SF3B3: variants seen among roughly 807,000 people sequenced by gnomAD.
SF3B3 encodes the protein splicing factor 3b subunit 3, also known as SAP 130.
SF3B3 carries 33 observed loss-of-function variants against 139.2 expected under a neutral mutation model. That is an observed-to-expected ratio of 0.24 (90% confidence interval 0.18 to 0.32). The LOEUF is 0.32. Among genes scored for constraint, SF3B3 ranks in the 10% least tolerant of loss-of-function variants. The pLI, the probability that SF3B3 is intolerant of heterozygous loss-of-function variation, is 1.00. For synonymous variants in SF3B3, 596 were observed against 563.6 expected (o/e 1.06, Z -0.81); for missense variants, 818 against 1,509.4 (o/e 0.54, Z 7.59).
intron 20 of SF3B3, chr16:70,565,754 C>A: frequency 2.0e-6 from 1 of 494,042 alleles, no homozygotes. Context: ...GATGCACATT[C>A]AATTGGTCTC....
At chr16:70,538,109 T>C (rs1301232722) in intron 6 of SF3B3, 3 of 708,442 alleles carry the variant, frequency 4.2e-6, no homozygotes, top group East Asian at 2.7e-5. Context: ...TAGAGTGGAA[T>C]TGGGACTCTT....
chr16:70,572,242 C>G lies in SF3B3; in HGVS notation c.*429C>G. The stretch of plus-strand genomic sequence containing the variant: ...GGACTGGGTAGGGTATAGTATCACT[C>G]CTGAGTTCCACTGCTCTAGAATCTA... On this transcript the variant is annotated 3_prime_UTR_variant, in exon 26 of 26. Coordinates refer to ENST00000302516, the MANE Select transcript of SF3B3 (RefSeq NM_012426.5). 2.6e-6 allele frequency: 1 copy of G among 391,868 alleles called. No homozygotes were observed. Among genetic ancestry groups the G allele is most frequent in the South Asian group, 1.9e-5 (1 of 52,744 alleles). The allele number at this position is 391,868 out of a possible 1,614,324, so 24.3% of individuals were successfully genotyped here. A position where few individuals can be genotyped will look rare whatever the true frequency, so the allele number is the denominator to read the frequency against.
chr16:70,568,452 A>G lies in SF3B3; in HGVS notation c.3122A>G (p.Tyr1041Cys). ...RWVTTASLLD[Y>C]DTVAGADKFG... The stretch of plus-strand genomic sequence containing the variant: ...GTCACTACAGCCAGCCTCCTGGACT[A>G]TGACACTGTGGCTGGGGCAGACAAG... Residue 1041 changes from tyrosine to cysteine, a missense_variant, in exon 22 of 26, where the codon TAT becomes TGT. Coordinates refer to ENST00000302516, the MANE Select transcript of SF3B3 (RefSeq NM_012426.5). The G allele has an allele frequency of 6.2e-7, 1 of 1,614,048 alleles. No homozygotes were observed. Among genetic ancestry groups the G allele is most frequent in the Non-Finnish European group, 8.5e-7 (1 of 1,179,906 alleles).
chr16:70,561,851 CAG>C, intron 17 of SF3B3, 67 bp downstream of exon 17: 1 of 1,432,634 alleles, frequency 7.0e-7, no homozygotes, highest in Non-Finnish European at 9.7e-7. Flanking sequence ...CTGGTTCTGC[CAG>C]AGTGTTGGAG....
chr16:70,557,103 A>G, intron 15 of SF3B3, 74 bp downstream of exon 15: 2 of 1,456,524 alleles, frequency 1.4e-6, no homozygotes, highest in South Asian at 2.8e-5. Flanking sequence ...GTTTGATAAC[A>G]GGGATTTTCT....
chr16:70,532,454 G>C (rs2050131429), intron 4 of SF3B3, 25 bp from the exon 5 acceptor site: 1 of 1,608,282 alleles, frequency 6.2e-7, no homozygotes, highest in South Asian at 1.1e-5. Flanking sequence ...CTGATGATTA[G>C]TTTTTATGCC....
rs1393718383 is a variant in SF3B3, at chr16:70,572,377, G to GT, written c.*565dup. ...CCCAAGTTAGAGCAGGAAGAACTGA[G>GT]TAGACTCCTTCCTTCCAGATACCGA... is the stretch of plus-strand genomic sequence containing the variant. On this transcript the variant is annotated 3_prime_UTR_variant, in exon 26 of 26. Coordinates refer to ENST00000302516, the MANE Select transcript of SF3B3 (RefSeq NM_012426.5). The GT allele has an allele frequency of 1.3e-5, 3 of 229,142 alleles. No homozygotes were observed. The highest frequency in any genetic ancestry group is 2.6e-5 in the Non-Finnish European group (3 of 114,108). The allele number at this position is 229,142 out of a possible 1,614,324, so 14.2% of individuals were successfully genotyped here.
intron 13 of SF3B3, among the ~76,000 whole-genome samples, chr16:70,555,564 A>G (rs915763844): frequency 6.6e-6 from 1 of 151,920 alleles, no homozygotes; most frequent in African/African-American, 2.4e-5. Context: ...GAAAAGGGGT[A>G]ATTTGATGTC....
chr16:70,556,585 CA>C, intron 14 of SF3B3: 1 of 602,772 alleles, frequency 1.7e-6, no homozygotes. Flanking sequence ...TTTAAGTTAA[CA>C]ACCAAGACTG....
intron 2 of SF3B3, chr16:70,527,086 G>A (rs563776917): frequency 9.2e-6 from 2 of 218,320 alleles, no homozygotes; most frequent in Admixed American, 5.8e-5. Context: ...TGTTTGTCTG[G>A]TTATCAGAGA....
intron 11 of SF3B3, among the ~76,000 whole-genome samples, chr16:70,553,444 C>T (rs553463052): frequency 2.4e-4 from 36 of 152,150 alleles, no homozygotes; most frequent in African/African-American, 3.4e-4. Context: ...GAGTCAGCCA[C>T]TACATTGTGT....
chr16:70,527,089 A>T (rs1774683577), intron 2 of SF3B3: 1 of 212,338 alleles, frequency 4.7e-6, no homozygotes, highest in Admixed American at 5.8e-5. Context: ...TTGTCTGGTT[A>T]TCAGAGAGTA....
rs566277094 is a variant in SF3B3 at position 70,561,024 on chromosome 16, G to T, written c.2133+433G>T. Among the ~76,000 whole-genome samples, 100 of 151,812 alleles carry T rather than the reference G, an allele frequency of 6.6e-4. 1 individual carries two copies. The highest frequency in any genetic ancestry group is 2.3e-3 in the African/African-American group (96 of 41,438). ...TTGATTCCATTTAATTCTGTTTTTT[G>T]TTGTTTTTTTTTTTGAGATGGAGTC... On this transcript the variant is annotated intron_variant, in intron 16 of 25. Coordinates refer to ENST00000302516, the MANE Select transcript of SF3B3 (RefSeq NM_012426.5).
intron 6 of SF3B3, chr16:70,538,088 T>C: frequency 1.5e-6 from 1 of 682,538 alleles, no homozygotes; most frequent in African/African-American, 1.7e-5. Flanking sequence ...CTTATGAATC[T>C]GATCAGGCTG....
chr16:70,572,571 T>C lies in SF3B3; in HGVS notation c.*758T>C, dbSNP rs1222035234. 1 of 155,672 alleles carries C rather than the reference T, an allele frequency of 6.4e-6. No homozygotes were observed. The highest frequency in any genetic ancestry group is 2.4e-5 in the African/African-American group (1 of 41,456). 9.6% of individuals were successfully genotyped at this position (155,672 alleles called of 1,614,324 possible). On this transcript the variant is annotated 3_prime_UTR_variant, in exon 26 of 26. Transcript: ENST00000302516. ...GAAGGGTGGCTGATTCTTCCTCCTC[T>C]TCTACTCTGAGGATGTTAGTATGGG...
At position 70,563,870 on chromosome 16, in the gene SF3B3, T is replaced by A. The variant is rs938431212; in HGVS notation, c.2289-6T>A. On this transcript the variant is annotated splice_polypyrimidine_tract_variant and splice_region_variant and intron_variant, in intron 17 of 25. Coordinates refer to ENST00000302516, the MANE Select transcript of SF3B3 (RefSeq NM_012426.5). ...ATTAAATAACTGCCTTGCTTTTTTG[T>A]CATAGGATTTTGGCATTAGAGAAGC... 3.7e-6 allele frequency: 6 copies of A among 1,613,694 alleles called. No individual in the cohort carries two copies. Among genetic ancestry groups the A allele is most frequent in the African/African-American group, 1.3e-5 (1 of 74,892 alleles).
intron 25 of SF3B3, 95 bp downstream of exon 25, chr16:70,571,294 C>A: frequency 1.1e-6 from 1 of 907,912 alleles, no homozygotes; most frequent in East Asian, 2.4e-5. Flanking sequence ...GGGTGCTCCC[C>A]TCAGGGCAGA....
chr16:70,541,595 T>G, intron 8 of SF3B3, 74 bp from the exon 9 acceptor site: 2 of 1,225,384 alleles, frequency 1.6e-6, no homozygotes, highest in Non-Finnish European at 2.3e-6. Flanking sequence ...AGCTTGTGCT[T>G]TATGTTGATG....
intron 2 of SF3B3, 23 bp from the exon 3 acceptor site, chr16:70,528,850 A>T: frequency 6.4e-6 from 10 of 1,571,582 alleles, no homozygotes; most frequent in Non-Finnish European, 8.7e-6. Context: ...GTTGTTTATG[A>T]TCTTTATTTT....
Sources: gnomAD v4.1 joint callset for allele counts (sites outside exome capture counted in the v4.1 genomes callset) on GRCh38, gnomAD v4.1.1 for gene constraint, MANE v1.5 for transcripts, NCBI Gene and HGNC (gene_info 2026-07-23, HGNC 2026-07-21) for gene names.